THSD7B: variants seen among roughly 807,000 people sequenced by gnomAD.
THSD7B encodes the protein thrombospondin type 1 domain containing 7B, also known as thrombospondin type-1 domain-containing protein 7B.
THSD7B carries 138 observed loss-of-function variants against 213.6 expected under a neutral mutation model. The ratio of observed to expected loss-of-function variants is 0.65; its 90% confidence interval spans 0.56 to 0.74. The LOEUF (loss-of-function observed/expected upper bound fraction) is 0.74. Among genes scored for constraint, THSD7B ranks in the 30% least tolerant of loss-of-function variants. THSD7B has a pLI of 0.00. For missense variants in THSD7B, 1,931 were observed against 1,991.5 expected (o/e 0.97, Z 0.58); for synonymous variants, 742 against 687.0 (o/e 1.08, Z -1.25).
chr2:136,783,028 C>T (rs1681771576), intron 1 of THSD7B, among the ~76,000 whole-genome samples: 2 of 151,590 alleles, frequency 1.3e-5, no homozygotes, highest in Admixed American at 6.5e-5. Context: ...ACTGACTGTA[C>T]GCTGTTGCAA....
chr2:137,259,145 T>C, intron 10 of THSD7B, among the ~76,000 whole-genome samples: 1 of 152,212 alleles, frequency 6.6e-6, no homozygotes, highest in East Asian at 1.9e-4. Flanking sequence ...GCAATAAACA[T>C]ACATGTGCAT....
intron 12 of THSD7B, among the ~76,000 whole-genome samples, chr2:137,301,579 T>C (rs1558748852): frequency 6.6e-6 from 1 of 151,758 alleles, no homozygotes. Flanking sequence ...AATATAAATA[T>C]ATTTCAATGT....
chr2:137,060,505 G>T (rs1687251422), intron 3 of THSD7B, among the ~76,000 whole-genome samples: 1 of 151,334 alleles, frequency 6.6e-6, no homozygotes, highest in Non-Finnish European at 1.5e-5. Context: ...TTATATTTAG[G>T]TCTATCATTC....
At chr2:137,196,334 T>C (rs974237001) in intron 7 of THSD7B, among the ~76,000 whole-genome samples, 4 of 150,420 alleles carry the variant, frequency 2.7e-5, no homozygotes, top group African/African-American at 9.7e-5. Context: ...AATAACCTTT[T>C]AATCAAAACA....
At chr2:137,611,293 C>T (rs1424849317) in intron 17 of THSD7B, among the ~76,000 whole-genome samples, 1 of 151,730 alleles carries the variant, frequency 6.6e-6, no homozygotes, top group Non-Finnish European at 1.5e-5. Context: ...ATAATTTTTA[C>T]CCTGAGTATA....
chr2:136,949,499 C>G (rs1684999090), intron 2 of THSD7B, among the ~76,000 whole-genome samples: 1 of 152,212 alleles, frequency 6.6e-6, no homozygotes, highest in Non-Finnish European at 1.5e-5. Context: ...CTAGCTGGTT[C>G]TGACTGATCA....
chr2:137,214,710 G>T lies in THSD7B; in HGVS notation c.1724-16334G>T, dbSNP rs185195786. On this transcript the variant is annotated intron_variant, in intron 7 of 27. Coordinates refer to ENST00000409968, the MANE Select transcript of THSD7B (RefSeq NM_001316349.2). ...TGGTTTTCTGTTCCTGTGTTAGTTT[G>T]CTGAGAAAGATGGTTTCCAGCTTCA... 1.4e-3 allele frequency among the ~76,000 whole-genome samples: 215 copies of T among 151,414 alleles called. 1 individual carries two copies. The highest frequency in any genetic ancestry group is 5.0e-3 in the African/African-American group (208 of 41,264).
chr2:137,401,991 G>A (rs988632665), intron 12 of THSD7B, among the ~76,000 whole-genome samples: 8 of 152,168 alleles, frequency 5.3e-5, no homozygotes, highest in Non-Finnish European at 1.0e-4. Flanking sequence ...TACTAAGGAT[G>A]ACCAAGAAAC....
chr2:137,317,918 C>A (rs974070481), intron 12 of THSD7B, among the ~76,000 whole-genome samples: 1 of 152,022 alleles, frequency 6.6e-6, no homozygotes, highest in African/African-American at 2.4e-5. Context: ...CAGAGCAAGA[C>A]CCTGTCTCTA....
At chr2:137,337,151 A>G (rs1684656200) in intron 12 of THSD7B, among the ~76,000 whole-genome samples, 1 of 151,972 alleles carries the variant, frequency 6.6e-6, no homozygotes, top group Non-Finnish European at 1.5e-5. Flanking sequence ...CATTGGTATA[A>G]TACTATTAAT....
chr2:137,670,263 G>T (rs1031911233), intron 27 of THSD7B, among the ~76,000 whole-genome samples: 2 of 152,118 alleles, frequency 1.3e-5, no homozygotes, highest in Admixed American at 1.3e-4. Context: ...CCAGGGATCA[G>T]CCCTTTCCTA....
In THSD7B at chr2:137,158,358, C is replaced by A. The variant is rs761925240; in HGVS notation, c.1370-1855C>A. On this transcript the variant is annotated intron_variant, in intron 5 of 27. Transcript: ENST00000409968. ...TTCAAGCACAATCTTTGTTTGATTG[C>A]CACCTCTTCTCAGCCTCCCTGGGCA... Among the ~76,000 whole-genome samples the A allele has an allele frequency of 1.1e-4, 16 of 152,254 alleles. 1 individual carries two copies. The highest frequency in any genetic ancestry group is 4.2e-4 in the South Asian group (2 of 4,808).
At chr2:136,792,010 C>T (rs1573640026) in intron 1 of THSD7B, among the ~76,000 whole-genome samples, 1 of 152,024 alleles carries the variant, frequency 6.6e-6, no homozygotes, top group African/African-American at 2.4e-5. Flanking sequence ...ATGAGGGTTT[C>T]AATTTCTCCA....
chr2:137,668,032 A>T (rs1187728492), intron 27 of THSD7B, among the ~76,000 whole-genome samples, 171 bp downstream of exon 27: 2 of 152,080 alleles, frequency 1.3e-5, no homozygotes, highest in Non-Finnish European at 2.9e-5. Flanking sequence ...TTTTGTTCTT[A>T]TTTGAGATAA....
chr2:137,518,058 T>G lies in THSD7B; in HGVS notation c.3139-45163T>G, dbSNP rs116984445. Among the ~76,000 whole-genome samples the G allele has an allele frequency of 2.0e-4, 30 of 151,946 alleles. No homozygotes were observed. In the East Asian group the frequency reaches 5.9e-3, roughly 30 times the overall value. ...TGGGCTTCCATCAAATGGAAGTGGT[T>G]GGGCTCCCAATCACATATATATGTG... On this transcript the variant is annotated intron_variant, in intron 15 of 27. Transcript: ENST00000409968.
chr2:136,948,147 G>A lies in THSD7B; in HGVS notation c.139+65830G>A, dbSNP rs559223149. Among the ~76,000 whole-genome samples, 17 of 152,174 alleles carry A rather than the reference G, an allele frequency of 1.1e-4. No homozygotes were observed. The South Asian group carries it at 2.3e-3, about 20-fold the overall frequency. On this transcript the variant is annotated intron_variant, in intron 2 of 27. Transcript: ENST00000409968. ...TTTAAATGACTAAACCTAGCCTGGA[G>A]TGGGTGATAGATTGTTGACTGAATG...
intron 2 of THSD7B, among the ~76,000 whole-genome samples, chr2:136,978,513 T>C (rs896847566): frequency 6.6e-6 from 1 of 152,236 alleles, no homozygotes; most frequent in Non-Finnish European, 1.5e-5. Flanking sequence ...TTAGCACTTC[T>C]TGTTGAATTG....
At chr2:137,284,245 A>C (rs1683112062) in intron 12 of THSD7B, among the ~76,000 whole-genome samples, 1 of 151,970 alleles carries the variant, frequency 6.6e-6, no homozygotes, top group Non-Finnish European at 1.5e-5. Context: ...TTATGGTGAT[A>C]TCCCCTTTGT....
At chr2:137,123,033 T>C (rs1016088872) in intron 5 of THSD7B, among the ~76,000 whole-genome samples, 4 of 152,192 alleles carry the variant, frequency 2.6e-5, no homozygotes, top group Non-Finnish European at 4.4e-5. Flanking sequence ...GTATCTGGCA[T>C]GTGAAAATTG....
Sources: allele counts gnomAD v4.1 joint callset (sites outside exome capture counted in the v4.1 genomes callset), GRCh38; gene constraint gnomAD v4.1.1; transcripts MANE v1.5; gene names NCBI Gene and HGNC (gene_info 2026-07-23, HGNC 2026-07-21).